The following ITGA6 variants were observed in gnomAD, a reference collection of about 807,000 sequenced individuals.
ITGA6 encodes integrin alpha-6.
In ITGA6, 63 loss-of-function variants were observed where a neutral mutation model predicts 133.6. The ratio of observed to expected loss-of-function variants is 0.47; its 90% CI spans 0.38 to 0.58. The LOEUF (loss-of-function observed/expected upper bound fraction) is 0.58, where lower values mean the gene tolerates loss of function less well. Ranked by LOEUF, ITGA6 falls within the 20% of genes least tolerant of loss-of-function variation. The pLI is 0.00. For missense variants in ITGA6, 1,068 were observed against 1,309.4 expected (o/e 0.82, Z 2.85); for synonymous variants, 434 against 482.0 (o/e 0.90, Z 1.30).
chr2:172,429,512 G>C (rs566609144), intron 1 of ITGA6, among the ~76,000 whole-genome samples: 3 of 152,138 alleles, frequency 2.0e-5, no homozygotes, highest in Non-Finnish European at 4.4e-5. Flanking sequence ...TGAAATACTT[G>C]TTCAAGCAAA....
At position 172,470,720 on chromosome 2, in the gene ITGA6, A is replaced by G. The variant is rs527870397; in HGVS notation, c.644-254A>G. The stretch of plus-strand genomic sequence containing the variant: ...TAAGCAAACCTTCCATTTTTCATCT[A>G]GTTTCATGGCATTATAAAGATAGTT... On this transcript the variant is annotated intron_variant, in intron 4 of 25. Transcript: ENST00000684293. 2.0e-5 allele frequency among the ~76,000 whole-genome samples: 3 copies of G among 152,310 alleles called. No homozygotes were observed. The South Asian group carries it at 6.2e-4, about 32-fold the overall frequency.
chr2:172,473,892 A>G (rs1277574018), intron 5 of ITGA6, among the ~76,000 whole-genome samples, 163 bp from the exon 6 acceptor site: 1 of 152,164 alleles, frequency 6.6e-6, no homozygotes, highest in Non-Finnish European at 1.5e-5. Context: ...CTTGTGTCAC[A>G]TCTGAACTCT....
At position 172,489,670 on chromosome 2, in the gene ITGA6, G is replaced by A; in HGVS notation, c.2679+12G>A. 1 of 1,608,964 alleles carries A rather than the reference G, an allele frequency of 6.2e-7. No individual in the cohort carries two copies. Among genetic ancestry groups the A allele is most frequent in the Non-Finnish European group, 8.5e-7 (1 of 1,175,510 alleles). ...CCCTGAACCTAACGGTATGTCGGTA[G>A]ATTTATCTAATGTCTCCATAAATGC... On this transcript the variant is annotated intron_variant, in intron 20 of 25. Coordinates refer to ENST00000684293, the MANE Select transcript of ITGA6 (RefSeq NM_000210.4).
chr2:172,497,431 G>A (rs1260630897), intron 23 of ITGA6, among the ~76,000 whole-genome samples: 1 of 150,836 alleles, frequency 6.6e-6, no homozygotes, highest in African/African-American at 2.4e-5. Flanking sequence ...AGCCTGGGAG[G>A]TTGAGGCTGC....
chr2:172,486,176 CAAAA>C (rs67271824), intron 13 of ITGA6, among the ~76,000 whole-genome samples: 2 of 77,318 alleles, frequency 2.6e-5, no homozygotes, highest in South Asian at 6.3e-4. Flanking sequence ...ACTCTATCTC[CAAAA>C]AAAAAAAAAA....
intron 2 of ITGA6, 187 bp downstream of exon 2, chr2:172,465,850 C>T (rs1259283673): frequency 3.5e-6 from 3 of 855,934 alleles, no homozygotes; most frequent in South Asian, 3.1e-5. Flanking sequence ...ACTGGGATGC[C>T]GCGTGTTTTG....
intron 1 of ITGA6, among the ~76,000 whole-genome samples, chr2:172,439,835 T>C (rs1446539012): frequency 6.6e-6 from 1 of 152,220 alleles, no homozygotes; most frequent in Admixed American, 6.5e-5. Context: ...CCTGATGGTA[T>C]GCCATACACA....
At chr2:172,492,236 C>G (rs1018382863) in intron 23 of ITGA6, among the ~76,000 whole-genome samples, 7 of 152,176 alleles carry the variant, frequency 4.6e-5, no homozygotes, top group Non-Finnish European at 8.8e-5. Flanking sequence ...TCAGACCTGC[C>G]TAAAATTTGC....
intron 5 of ITGA6, among the ~76,000 whole-genome samples, chr2:172,471,454 C>T (rs1337575853): frequency 6.6e-6 from 1 of 152,186 alleles, no homozygotes; most frequent in African/African-American, 2.4e-5. Flanking sequence ...TGGGTGTTCA[C>T]AGTAAGCTGA....
chr2:172,478,439 C>G (rs1353277186), intron 9 of ITGA6, among the ~76,000 whole-genome samples: 1 of 152,110 alleles, frequency 6.6e-6, no homozygotes, highest in Non-Finnish European at 1.5e-5. Context: ...GTAATGAAAC[C>G]CCAGGCCCCA....
rs1403927026 is a variant in ITGA6, at chr2:172,475,082, A to G, written c.1140A>G (p.Ala380=). 4.4e-6 allele frequency: 7 copies of G among 1,603,182 alleles called. No individual in the cohort carries two copies. The African/African-American group carries it at 6.7e-5, about 15-fold the overall frequency. Residue 380 remains alanine, a synonymous_variant, in exon 7 of 26, where the codon GCA becomes GCG. Coordinates refer to ENST00000684293, the MANE Select transcript of ITGA6 (RefSeq NM_000210.4). ...NGTKDSMFGI[A]VKNIGDINQD... Reference sequence around the variant, plus strand: ...CCAAAGATTCTATGTTTGGCATTGCAGTAAAAAATATTGGAGATATTAATC... The same window carrying G: ...CCAAAGATTCTATGTTTGGCATTGCGGTAAAAAATATTGGAGATATTAATC...
Position 172,504,504 on chromosome 2 carries a change from T to G in ITGA6, c.*436T>G. ...AATTTAACTTTCTGGGTTGCCTTTA[T>G]TTTTGGCGTGGCTGACTTACATCAT... is the stretch of plus-strand genomic sequence containing the variant. On this transcript the variant is annotated 3_prime_UTR_variant, in exon 26 of 26. Coordinates refer to ENST00000684293, the MANE Select transcript of ITGA6 (RefSeq NM_000210.4). 2 of 321,954 alleles carry G rather than the reference T, an allele frequency of 6.2e-6. No homozygotes were observed. The highest frequency in any genetic ancestry group is 1.2e-5 in the Non-Finnish European group (2 of 172,404). The allele number at this position is 321,954 out of a possible 1,614,324, so 19.9% of individuals were successfully genotyped here. A position where few individuals can be genotyped will look rare whatever the true frequency, so the allele number is the denominator to read the frequency against.
At chr2:172,438,645 G>A (rs758918708) in intron 1 of ITGA6, among the ~76,000 whole-genome samples, 1 of 151,846 alleles carries the variant, frequency 6.6e-6, no homozygotes, top group East Asian at 1.9e-4. Context: ...TGAGGATAAA[G>A]CACTTAGCAG....
chr2:172,430,809 G>A (rs765686908), intron 1 of ITGA6, among the ~76,000 whole-genome samples: 6 of 152,188 alleles, frequency 3.9e-5, no homozygotes, highest in East Asian at 1.9e-4. Context: ...TTGGTCCGCC[G>A]AGTGACTGAG....
intron 1 of ITGA6, among the ~76,000 whole-genome samples, chr2:172,445,437 C>G (rs1300543619): frequency 6.7e-6 from 1 of 148,554 alleles, no homozygotes; most frequent in East Asian, 2.0e-4. Flanking sequence ...ATCACGAGGT[C>G]AGGAGATCGA....
chr2:172,468,930 T>C (rs1391235960), intron 3 of ITGA6, 195 bp from the exon 4 acceptor site: 1 of 600,646 alleles, frequency 1.7e-6, no homozygotes, highest in Admixed American at 2.8e-5. Context: ...TTCTAGTTTC[T>C]ATATGTCTTC....
chr2:172,452,118 G>A (rs1685030591), intron 1 of ITGA6, among the ~76,000 whole-genome samples: 1 of 152,156 alleles, frequency 6.6e-6, no homozygotes, highest in Non-Finnish European at 1.5e-5. Context: ...GAAAGAGGTG[G>A]AATGTAGTCC....
At chr2:172,459,848 C>T (rs1485950902) in intron 1 of ITGA6, among the ~76,000 whole-genome samples, 1 of 152,198 alleles carries the variant, frequency 6.6e-6, no homozygotes, top group African/African-American at 2.4e-5. Context: ...AACATCAGGT[C>T]TACATTGCTG....
chr2:172,465,465 C>A, intron 1 of ITGA6, 74 bp from the exon 2 acceptor site: 4 of 1,541,692 alleles, frequency 2.6e-6, no homozygotes, highest in Non-Finnish European at 3.6e-6. Context: ...CCCACTATCT[C>A]CTAGTTCTGA....
Sources: allele counts gnomAD v4.1 joint callset (sites outside exome capture counted in the v4.1 genomes callset), GRCh38; gene constraint gnomAD v4.1.1; transcripts MANE v1.5; gene names NCBI Gene and HGNC (gene_info 2026-07-23, HGNC 2026-07-21).